ZNF398: variants seen among roughly 807,000 people sequenced by gnomAD.
ZNF398 encodes zinc finger protein 398, also known as zinc finger DNA binding protein ZER6.
ZNF398 carries 18 observed loss-of-function variants against 41.9 expected under a neutral mutation model. That is an observed-to-expected ratio of 0.43 (90% CI 0.30 to 0.64). The LOEUF (loss-of-function observed/expected upper bound fraction) is 0.64. Ranked by LOEUF, ZNF398 falls within the 30% of genes least tolerant of loss-of-function variation. The pLI is 0.14. For synonymous variants in ZNF398, 260 were observed against 308.8 expected, an observed-to-expected ratio of 0.84 and a Z score of 1.66; for missense variants, 669 against 822.8, an observed-to-expected ratio of 0.81 and a Z score of 2.29.
rs565540980 is a variant in ZNF398 at position 149,166,038 on chromosome 7, A to G, written c.421-120A>G. On this transcript the variant is annotated intron_variant, in intron 2 of 5. Transcript: ENST00000475153. ...AAAAGAAACCATTTCAGAGATATTTAGAATATTTATTGACCACCCTTTGAA... is the reference window on the plus strand; with the variant it reads ...AAAAGAAACCATTTCAGAGATATTTGGAATATTTATTGACCACCCTTTGAA... 24 of 1,127,704 alleles carry G rather than the reference A, an allele frequency of 2.1e-5. No homozygotes were observed. The African/African-American group carries it at 3.3e-4, about 15-fold the overall frequency. The allele number at this position is 1,127,704 out of a possible 1,614,324, so 69.9% of individuals were successfully genotyped here. A position where few individuals can be genotyped will look rare whatever the true frequency, so the allele number is the denominator to read the frequency against.
chr7:149,147,418 G>T (rs936721717), upstream of ZNF398: 14 of 184,640 alleles, frequency 7.6e-5, no homozygotes, highest in Non-Finnish European at 1.6e-4. This position sits in a 1 kb window ranked among gnomAD's most constrained non-coding sequence, Gnocchi z 5.6. Flanking sequence ...GGCAGCGCGA[G>T]CCTGCGGCGC....
At chr7:149,133,704 TAC>T (rs1554459646) in intron 2 of ZNF398, among the ~76,000 whole-genome samples, 3,817 of 72,742 alleles carry the variant, frequency 0.052, 212 homozygotes, top group Non-Finnish European at 0.07. Context: ...TATATATATA[TAC>T]ACACATATAT....
At chr7:149,153,524 T>C (rs1424141509) in intron 1 of ZNF398, among the ~76,000 whole-genome samples, 1 of 152,146 alleles carries the variant, frequency 6.6e-6, no homozygotes, top group Non-Finnish European at 1.5e-5. Flanking sequence ...AATGGTGTGG[T>C]TGTAGTTTGT....
chr7:149,139,513 G>C (rs937963354), intron 2 of ZNF398, among the ~76,000 whole-genome samples: 8 of 151,450 alleles, frequency 5.3e-5, no homozygotes, highest in Admixed American at 2.0e-4. Flanking sequence ...ATGACGTCAG[G>C]AGTTCGAGAC....
At chr7:149,139,142 C>T (rs1018323362) in intron 2 of ZNF398, among the ~76,000 whole-genome samples, 5 of 152,094 alleles carry the variant, frequency 3.3e-5, no homozygotes, top group Admixed American at 2.6e-4. Context: ...TTCTTGACCT[C>T]CTCGTGATCC....
chr7:149,173,091 C>CTTTTTT (rs1795382614), intron 4 of ZNF398, among the ~76,000 whole-genome samples: 1 of 67,184 alleles, frequency 1.5e-5, no homozygotes, highest in African/African-American at 5.3e-5. Flanking sequence ...GTGGCAATTT[C>CTTTTTT]TATTTTTTTT....
chr7:149,166,452 T>C (rs1795227698), intron 3 of ZNF398, among the ~76,000 whole-genome samples, 168 bp downstream of exon 3: 1 of 152,224 alleles, frequency 6.6e-6, no homozygotes, highest in African/African-American at 2.4e-5. Context: ...GGAATCATAA[T>C]CTCTCTTTTT....
intron 2 of ZNF398, among the ~76,000 whole-genome samples, chr7:149,155,006 G>C (rs62505079): frequency 7.1e-6 from 1 of 141,510 alleles, no homozygotes; most frequent in Non-Finnish European, 1.5e-5. Flanking sequence ...AAAAAAAAAG[G>C]CCTGGCGAGA....
chr7:149,146,454 G>T (rs1826945096), upstream of ZNF398, among the ~76,000 whole-genome samples: 1 of 152,170 alleles, frequency 6.6e-6, no homozygotes, highest in Admixed American at 6.6e-5. Flanking sequence ...GCAGGCTGAG[G>T]GGAAGGATCG....
intron 2 of ZNF398, among the ~76,000 whole-genome samples, chr7:149,132,194 C>CT (rs35611997): frequency 0.17 from 19,804 of 113,388 alleles, 2,161 homozygotes; most frequent in African/African-American, 0.3. Context: ...TTCTCTCTCT[C>CT]TTTTTTTTTT....
chr7:149,130,294 C>T (rs1245031256), intron 2 of ZNF398, among the ~76,000 whole-genome samples: 1 of 152,100 alleles, frequency 6.6e-6, no homozygotes, highest in Non-Finnish European at 1.5e-5. Context: ...AGGGGTTTCA[C>T]CATGTTGGCC....
intron 2 of ZNF398, among the ~76,000 whole-genome samples, chr7:149,154,735 A>G (rs1046569739): frequency 1.3e-5 from 2 of 152,140 alleles, no homozygotes; most frequent in Admixed American, 1.3e-4. Context: ...GCGGTGGCTC[A>G]TCCCAGCACT....
intron 2 of ZNF398, among the ~76,000 whole-genome samples, chr7:149,160,894 TAGTAAAC>T (rs762618661): frequency 1.1e-3 from 170 of 152,056 alleles, no homozygotes; most frequent in East Asian, 2.1e-3. Flanking sequence ...AGGAGGCACT[TAGTAAAC>T]AGTAAAGATT....
intron 1 of ZNF398, among the ~76,000 whole-genome samples, chr7:149,127,548 CAAAAAAA>C (rs61080328): frequency 1.3e-5 from 1 of 74,902 alleles, no homozygotes; most frequent in South Asian, 6.1e-4. Context: ...ACTAAAAATA[CAAAAAAA>C]AAAAAAAAAA....
intron 5 of ZNF398, among the ~76,000 whole-genome samples, 187 bp from the exon 6 acceptor site, chr7:149,178,461 T>C (rs927490306): frequency 2.6e-5 from 4 of 152,078 alleles, no homozygotes; most frequent in African/African-American, 7.2e-5. Context: ...ATAAAATAAA[T>C]TTAAAGTGTC....
At chr7:149,173,597 C>G (rs1347403574) in intron 4 of ZNF398, among the ~76,000 whole-genome samples, 1 of 152,096 alleles carries the variant, frequency 6.6e-6, no homozygotes, top group Non-Finnish European at 1.5e-5. Flanking sequence ...TCATCCCCAT[C>G]AGAGCTTGTG....
chr7:149,151,307 G>A (rs1238681980), intron 1 of ZNF398: 1 of 1,208,714 alleles, frequency 8.3e-7, no homozygotes, highest in South Asian at 1.5e-5. Flanking sequence ...CATGAGAGAA[G>A]GGGAGTTGGA....
intron 2 of ZNF398, among the ~76,000 whole-genome samples, chr7:149,165,572 T>A (rs1216893589): frequency 6.6e-6 from 1 of 152,162 alleles, no homozygotes; most frequent in East Asian, 1.9e-4. Context: ...CAGAAAAGAC[T>A]AAAGGATACA....
At chr7:149,156,016 G>T (rs1007703142) in intron 2 of ZNF398, among the ~76,000 whole-genome samples, 1 of 151,898 alleles carries the variant, frequency 6.6e-6, no homozygotes, top group Admixed American at 6.6e-5. Context: ...ATGAGCCACC[G>T]CGCCCGGCCA....
Sources: gnomAD v4.1 joint callset for allele counts (sites outside exome capture counted in the v4.1 genomes callset) on GRCh38, gnomAD v4.1.1 for gene constraint, Gnocchi (gnomAD v3.1) non-coding constraint, MANE v1.5 for transcripts, NCBI Gene and HGNC (gene_info 2026-07-23, HGNC 2026-07-21) for gene names.